KATNAL1: variants seen among roughly 807,000 people sequenced by gnomAD.
KATNAL1 encodes katanin p60 ATPase-containing subunit A-like 1.
Under a neutral mutation model 55.2 loss-of-function variants are expected in KATNAL1, and 32 were observed. The observed-to-expected ratio is 0.58, with a 90% confidence interval of 0.44 to 0.78. The LOEUF is 0.78. Among genes scored for constraint, KATNAL1 ranks in the 30% least tolerant of loss-of-function variants. The pLI, the probability that KATNAL1 is intolerant of heterozygous loss-of-function variation, is 0.00. For synonymous variants in KATNAL1, 193 were observed against 193.6 expected (o/e 1.00, Z 0.02); for missense variants, 466 against 600.9 (o/e 0.78, Z 2.35).
chr13:30,213,302 G>A (rs914899813), intron 9 of KATNAL1, among the ~76,000 whole-genome samples: 6 of 152,136 alleles, frequency 3.9e-5, no homozygotes, highest in Non-Finnish European at 5.9e-5. Context: ...ACCAAAAAGA[G>A]TCCAGGACCA....
intron 3 of KATNAL1, among the ~76,000 whole-genome samples, chr13:30,265,912 G>A (rs372076750): frequency 7.4e-4 from 111 of 150,270 alleles, no homozygotes; most frequent in African/African-American, 2.5e-3. Flanking sequence ...CTTGAGAGGC[G>A]GGGGCAGGAG....
intron 3 of KATNAL1, among the ~76,000 whole-genome samples, chr13:30,278,424 T>G (rs566586595): frequency 3.9e-5 from 6 of 152,284 alleles, no homozygotes; most frequent in African/African-American, 1.2e-4. Flanking sequence ...AGTACAAAAA[T>G]AAGTCAGATC....
intron 9 of KATNAL1, among the ~76,000 whole-genome samples, chr13:30,218,151 T>TA (rs1197566005): frequency 6.6e-6 from 1 of 150,520 alleles, no homozygotes; most frequent in African/African-American, 2.4e-5. Context: ...AAAATACTGA[T>TA]AGATGCAAAT....
intron 4 of KATNAL1, among the ~76,000 whole-genome samples, chr13:30,245,431 A>G (rs1021475360): frequency 4.6e-5 from 7 of 152,146 alleles, no homozygotes; most frequent in African/African-American, 1.4e-4. Context: ...TTCATGACAA[A>G]CCCACAGCCA....
At chr13:30,240,890 T>C in intron 5 of KATNAL1, 69 bp downstream of exon 5, 1 of 1,414,740 alleles carries the variant, frequency 7.1e-7, no homozygotes, top group South Asian at 1.3e-5. Context: ...AAGAGAAAAC[T>C]CACACACCAA....
At chr13:30,227,003 G>A (rs1158344885) in intron 9 of KATNAL1, among the ~76,000 whole-genome samples, 1 of 152,162 alleles carries the variant, frequency 6.6e-6, no homozygotes, top group Admixed American at 6.5e-5. Context: ...TTGAACTTAG[G>A]AGGTGGAGGT....
In KATNAL1 at chr13:30,208,673, A is replaced by C. The variant is rs1378254305; in HGVS notation, c.1340T>G (p.Leu447Arg). 6.2e-7 allele frequency: 1 copy of C among 1,614,066 alleles called. No homozygotes were observed. The highest frequency in any genetic ancestry group is 1.7e-5 in the Admixed American group (1 of 60,022). Residue 447 changes from leucine (L) to arginine (R), a missense_variant, in exon 11 of 11, where the codon CTT (leucine) becomes CGT (arginine). This residue lies in a region of KATNAL1 where 213 missense variants were observed against 308.6 expected (regional missense o/e 0.69). Transcript: ENST00000380615. Reference sequence around the variant, plus strand: ...AGGCATCTGAAGTTCCTCTTTAGAAAGTGCACGGATTTCTTCTGGACTTAA... The same window carrying C: ...AGGCATCTGAAGTTCCTCTTTAGAACGTGCACGGATTTCTTCTGGACTTAA... Reference protein sequence around the residue: ...NGLSPEEIRALSKEELQMPVT... With the variant: ...NGLSPEEIRARSKEELQMPVT...
At chr13:30,236,001 A>C (rs1753180224) in intron 6 of KATNAL1, among the ~76,000 whole-genome samples, 1 of 152,204 alleles carries the variant, frequency 6.6e-6, no homozygotes, top group South Asian at 2.1e-4. Context: ...ATGAGAAAAT[A>C]TATTTATTAT....
Position 30,227,502 on chromosome 13 carries a change from T to C in KATNAL1, c.1057A>G (p.Met353Val), listed in dbSNP as rs1418201439. ...GGGAAATTAGTAGCAGCCAATACCA[T>C]AACCATTTTGGAAGGATCATCATTT... is the stretch of plus-strand genomic sequence containing the variant. The part of the protein sequence containing the change: ...LENDDPSKMV[M>V]VLAATNFPWD... The change falls in exon 9 of 11, where the codon ATG becomes GTG. Residue 353 changes from methionine (M) to valine (V), a missense_variant. Coordinates refer to ENST00000380615, the MANE Select transcript of KATNAL1 (RefSeq NM_032116.5). The C allele has an allele frequency of 4.3e-6, 7 of 1,613,924 alleles. No individual in the cohort carries two copies. Among genetic ancestry groups the C allele is most frequent in the Non-Finnish European group, 5.9e-6 (7 of 1,179,834 alleles).
chr13:30,258,800 G>A (rs1165023137), intron 3 of KATNAL1, among the ~76,000 whole-genome samples: 2 of 152,088 alleles, frequency 1.3e-5, no homozygotes, highest in Non-Finnish European at 2.9e-5. Flanking sequence ...TACCCCAGAA[G>A]CATTTACTGA....
intron 9 of KATNAL1, among the ~76,000 whole-genome samples, chr13:30,224,915 G>A (rs1315687919): frequency 6.6e-6 from 1 of 152,186 alleles, no homozygotes. Flanking sequence ...CTCTGGGTTA[G>A]TGTGGACCAC....
At chr13:30,307,226 C>T (rs1037159554) in intron 1 of KATNAL1, 105 bp downstream of exon 1, 3 of 152,362 alleles carry the variant, frequency 2.0e-5, no homozygotes, top group Non-Finnish European at 2.9e-5. Flanking sequence ...ACCCCGCAGC[C>T]CACTGCCCTG....
rs201513671 is a variant in KATNAL1 at position 30,210,398 on chromosome 13, C to A, written c.1192G>T (p.Glu398Ter). ...ELLKINLREVELDPDIQLEDI... is the reference protein window; with the variant it reads ...ELLKINLREV Reference sequence around the variant, plus strand: ...TCCAGTTGAATATCAGGATCTAATTCGACCTCACGAAGGTTGATCTTCAGA... The same window carrying A: ...TCCAGTTGAATATCAGGATCTAATTAGACCTCACGAAGGTTGATCTTCAGA... The change falls in exon 10 of 11, where the codon GAA becomes TAA. Residue 398 changes from glutamate (E) to a stop codon, truncating the protein, a stop_gained. Coordinates refer to ENST00000380615, the MANE Select transcript of KATNAL1 (RefSeq NM_032116.5). LOFTEE classifies it high-confidence loss of function. 1 of 1,606,602 alleles carries A rather than the reference C, an allele frequency of 6.2e-7. No individual in the cohort carries two copies. The highest frequency in any genetic ancestry group is 1.7e-5 in the Admixed American group (1 of 58,920).
intron 3 of KATNAL1, 21 bp from the exon 4 acceptor site, chr13:30,255,636 A>T: frequency 1.5e-6 from 2 of 1,319,712 alleles, no homozygotes; most frequent in Non-Finnish European, 2.0e-6. Context: ...AAAAAAAAAA[A>T]AAATTAAAAT....
At chr13:30,280,346 A>G (rs1016134741) in intron 2 of KATNAL1, 123 bp from the exon 3 acceptor site, 37 of 650,692 alleles carry the variant, frequency 5.7e-5, no homozygotes, top group Non-Finnish European at 8.2e-5. Flanking sequence ...AATCATTAAA[A>G]CATTCATAAA....
intron 3 of KATNAL1, 63 bp downstream of exon 3, chr13:30,280,000 C>T: frequency 7.1e-7 from 1 of 1,403,114 alleles, no homozygotes; most frequent in Non-Finnish European, 9.7e-7. Context: ...TTGTTCAAAA[C>T]ATGCTTCACT....
In KATNAL1 at chr13:30,227,501, A is replaced by AT. The variant is rs1200414968; in HGVS notation, c.1057dup (p.Met353AsnfsTer7). 6.2e-7 allele frequency: 1 copy of AT among 1,613,948 alleles called. No homozygotes were observed. Among genetic ancestry groups the AT allele is most frequent in the Admixed American group, 1.7e-5 (1 of 60,014 alleles). On this transcript the variant is annotated frameshift_variant, in exon 9 of 11. Coordinates refer to ENST00000380615, the MANE Select transcript of KATNAL1 (RefSeq NM_032116.5). LOFTEE classifies it high-confidence loss of function. The stretch of plus-strand genomic sequence containing the variant: ...CGGGAAATTAGTAGCAGCCAATACC[A>AT]TAACCATTTTGGAAGGATCATCATT...
chr13:30,294,380 T>C (rs1882340209), intron 1 of KATNAL1, among the ~76,000 whole-genome samples: 1 of 152,172 alleles, frequency 6.6e-6, no homozygotes, highest in Non-Finnish European at 1.5e-5. Flanking sequence ...ATGGAGAAAG[T>C]GTGAGTGGTC....
chr13:30,235,983 A>C (rs1212890490), intron 6 of KATNAL1, among the ~76,000 whole-genome samples: 1 of 152,340 alleles, frequency 6.6e-6, no homozygotes, highest in African/African-American at 2.4e-5. Context: ...AACATTATTA[A>C]GAAAATTATG....
Sources: gnomAD v4.1 joint callset for allele counts (sites outside exome capture counted in the v4.1 genomes callset) on GRCh38, gnomAD v4.1.1 for gene constraint, gnomAD v4.1.1 regional missense constraint, MANE v1.5 for transcripts, NCBI Gene and HGNC (gene_info 2026-07-23, HGNC 2026-07-21) for gene names.